The following DCAF1 variants were observed in gnomAD, a reference collection of about 807,000 sequenced individuals.
The protein encoded by DCAF1 is DDB1 and CUL4 associated factor 1, also known as DDB1- and CUL4-associated factor 1.
A neutral mutation model predicts 128.0 loss-of-function variants in DCAF1; 15 were observed. That is an observed-to-expected ratio of 0.12 (90% CI 0.08 to 0.18). The LOEUF (loss-of-function observed/expected upper bound fraction) is 0.18. DCAF1 is among the 10% of genes least tolerant of loss of function. The pLI, the probability that DCAF1 is intolerant of heterozygous loss-of-function variation, is 1.00. For synonymous variants in DCAF1, 610 were observed against 603.0 expected, an observed-to-expected ratio of 1.01 and a Z score of -0.17; for missense variants, 988 against 1,649.5, an observed-to-expected ratio of 0.60 and a Z score of 6.95.
intron 13 of DCAF1, among the ~76,000 whole-genome samples, chr3:51,427,084 A>G (rs1699970265): frequency 6.6e-6 from 1 of 152,166 alleles, no homozygotes; most frequent in Admixed American, 6.5e-5. Flanking sequence ...CAAGACTTTA[A>G]CCCCAGCTCT....
chr3:51,430,197 G>T lies in DCAF1; in HGVS notation c.1303C>A (p.His435Asn), dbSNP rs782567800. ...TTCACCACATCAGACAGAACATTGT[G>T]GGGATGCATGCAAACCTGCAAAAAA... Reference protein sequence around the residue: ...DAMERVCMHPHNVLSDVVNYT... With the variant: ...DAMERVCMHPNNVLSDVVNYT... The change falls in exon 11 of 25, where the codon CAC (histidine) becomes AAC (asparagine). Residue 435 changes from histidine to asparagine, a missense_variant. His to Asn is a moderately conservative substitution (Grantham distance 68). Transcript: ENST00000684031. 1 of 778,808 alleles carries T rather than the reference G, an allele frequency of 1.3e-6. No individual in the cohort carries two copies. The allele number at this position is 778,808 out of a possible 1,614,324, so 48.2% of individuals were successfully genotyped here.
chr3:51,407,215 CT>C (rs1559473460), intron 23 of DCAF1, among the ~76,000 whole-genome samples: 1 of 150,768 alleles, frequency 6.6e-6, no homozygotes, highest in Non-Finnish European at 1.5e-5. Flanking sequence ...TGATCCTGAC[CT>C]TTATGTAACA....
intron 24 of DCAF1, among the ~76,000 whole-genome samples, chr3:51,402,902 G>C (rs1265991039): frequency 1.3e-5 from 2 of 152,142 alleles, no homozygotes; most frequent in African/African-American, 4.8e-5. Flanking sequence ...TGATCTTACA[G>C]AAAAAGTCTG....
intron 9 of DCAF1, chr3:51,436,388 G>A (rs140048118): frequency 1.9e-6 from 1 of 519,998 alleles, no homozygotes; most frequent in Non-Finnish European, 3.8e-6. Context: ...TGCAGTTTCT[G>A]CATGTATAAC....
chr3:51,467,357 A>G (rs1704233057), intron 4 of DCAF1, among the ~76,000 whole-genome samples: 1 of 152,092 alleles, frequency 6.6e-6, no homozygotes, highest in Non-Finnish European at 1.5e-5. Context: ...AAAAAGGGAC[A>G]TGGATGAAGC....
At chr3:51,435,749 T>C (rs1700767229) in intron 9 of DCAF1, among the ~76,000 whole-genome samples, 1 of 152,048 alleles carries the variant, frequency 6.6e-6, no homozygotes, top group Non-Finnish European at 1.5e-5. Context: ...TATGTCTGTC[T>C]TTCTTAACAA....
intron 12 of DCAF1, among the ~76,000 whole-genome samples, chr3:51,427,848 G>C (rs1700037535): frequency 6.6e-6 from 1 of 152,084 alleles, no homozygotes; most frequent in Non-Finnish European, 1.5e-5. Context: ...GCCCATGCTG[G>C]AGTGCAGTGG....
rs545850542 is a variant in DCAF1 at position 51,468,171 on chromosome 3, TTTG to T, written c.188-1298_188-1296del. Among the ~76,000 whole-genome samples, 624 of 152,144 alleles carry T rather than the reference TTTG, an allele frequency of 4.1e-3. 3 individuals are homozygous for T. The highest frequency in any genetic ancestry group is 0.014 in the African/African-American group (599 of 41,496). ...AGTTGATGGAAGGGAGAATTACTGG[TTTG>T]TTGTTGTTGTGTTCTGAGATGGAGT... is the stretch of plus-strand genomic sequence containing the variant. On this transcript the variant is annotated intron_variant, in intron 4 of 24. Transcript: ENST00000684031.
rs1577088927 is a variant in DCAF1 at position 51,420,342 on chromosome 3, C to A, written c.2628G>T (p.Leu876=). The part of the protein sequence containing the change: ...TATVLTKEAD[L]PMTAASHSSA... Reference sequence around the variant, plus strand: ...AAGAATGGGAGGCAGCAGTCATGGGCAGGTCAGCCTCTTTTGTCAGCACGG... The same window carrying A: ...AAGAATGGGAGGCAGCAGTCATGGGAAGGTCAGCCTCTTTTGTCAGCACGG... Residue 876 remains leucine (L), a synonymous_variant, in exon 15 of 25, where the codon CTG becomes CTT. Transcript: ENST00000684031. This position sits in a 1 kb window ranked among gnomAD's most constrained non-coding sequence, Gnocchi z 6.5. 5 of 1,614,032 alleles carry A rather than the reference C, an allele frequency of 3.1e-6. No homozygotes were observed. The East Asian group carries it at 1.1e-4, about 36-fold the overall frequency.
At chr3:51,467,066 G>C (rs1274966940) in intron 4 of DCAF1, among the ~76,000 whole-genome samples, 190 bp from the exon 5 acceptor site, 2 of 152,230 alleles carry the variant, frequency 1.3e-5, no homozygotes, top group Non-Finnish European at 2.9e-5. Flanking sequence ...AGGCGCAGTA[G>C]CTCATGCCTG....
chr3:51,453,853 T>G (rs1577197350), intron 6 of DCAF1, among the ~76,000 whole-genome samples: 1 of 151,302 alleles, frequency 6.6e-6, no homozygotes, highest in African/African-American at 2.4e-5. Flanking sequence ...CTCAGGAGAC[T>G]GAAGCAGGAG....
rs782438326 is a variant in DCAF1, at chr3:51,441,751, G to T, written c.660C>A (p.Asp220Glu). The T allele has an allele frequency of 6.2e-7, 1 of 1,613,946 alleles. No individual in the cohort carries two copies. Among genetic ancestry groups the T allele is most frequent in the Non-Finnish European group, 8.5e-7 (1 of 1,179,880 alleles). The change falls in exon 8 of 25, where the codon GAC becomes GAA. Residue 220 changes from aspartate (D) to glutamate (E), a missense_variant. Asp to Glu is a conservative substitution (Grantham distance 45, BLOSUM62 2). Coordinates refer to ENST00000684031, the MANE Select transcript of DCAF1 (RefSeq NM_001387579.1). Reference sequence around the variant, plus strand: ...CTCCATCCACTACATCTACAGCCATGTCACCATAGTCCATATCCACAGCCT... The same window carrying T: ...CTCCATCCACTACATCTACAGCCATTTCACCATAGTCCATATCCACAGCCT... The part of the protein sequence containing the change: ...DEEAVDMDYG[D>E]MAVDVVDGDQ...
chr3:51,418,255 C>T, intron 16 of DCAF1, 57 bp from the exon 17 acceptor site: 1 of 1,538,278 alleles, frequency 6.5e-7, no homozygotes, highest in Admixed American at 2.3e-5. Flanking sequence ...GCAGATGTCA[C>T]TACCTGCCAT....
upstream of DCAF1, chr3:51,500,116 G>GGAAAAAAA (rs1559596329): frequency 7.2e-5 from 2 of 27,836 alleles, no homozygotes; most frequent in African/African-American, 3.1e-4. Context: ...CACGATCGGG[G>GGAAAAAAA]AAAAAAAAAA....
At chr3:51,496,215 AG>A (rs1708222024) in intron 2 of DCAF1, among the ~76,000 whole-genome samples, 1 of 152,120 alleles carries the variant, frequency 6.6e-6, no homozygotes, top group Non-Finnish European at 1.5e-5. Context: ...TCACAAGGTC[AG>A]GAGTTCGAGA....
At chr3:51,403,067 C>CT in intron 24 of DCAF1, 76 bp downstream of exon 24, 1 of 1,512,490 alleles carries the variant, frequency 6.6e-7, no homozygotes, top group Non-Finnish European at 8.8e-7. Context: ...GGCTTGCCCT[C>CT]TAAGTTGTAT....
At chr3:51,408,011 A>C (rs1442058181) in intron 23 of DCAF1, among the ~76,000 whole-genome samples, 2 of 150,028 alleles carry the variant, frequency 1.3e-5, no homozygotes, top group African/African-American at 2.4e-5. Flanking sequence ...AAAAAAAAAC[A>C]ACCAGATACC....
intron 6 of DCAF1, among the ~76,000 whole-genome samples, chr3:51,462,346 C>T (rs151315494): frequency 9.3e-4 from 142 of 152,226 alleles, no homozygotes; most frequent in African/African-American, 3.3e-3. Context: ...TGCTTGAACC[C>T]AGGAGGAAGT....
intron 5 of DCAF1, among the ~76,000 whole-genome samples, chr3:51,464,834 T>C (rs536951499): frequency 7.0e-4 from 107 of 152,192 alleles, no homozygotes; most frequent in Middle Eastern, 3.4e-3. Context: ...CAAGCCGGGA[T>C]GTAAAAGACG....
Sources: gnomAD v4.1 joint callset for allele counts (sites outside exome capture counted in the v4.1 genomes callset) on GRCh38, gnomAD v4.1.1 for gene constraint, Gnocchi (gnomAD v3.1) non-coding constraint, MANE v1.5 for transcripts, NCBI Gene and HGNC (gene_info 2026-07-23, HGNC 2026-07-21) for gene names.